ZNRF1: variants seen among roughly 807,000 people sequenced by gnomAD.
ZNRF1 encodes the protein zinc and ring finger 1.
A neutral mutation model predicts 18.4 loss-of-function variants in ZNRF1; 3 were observed. The ratio of observed to expected loss-of-function variants is 0.16; its 90% CI spans 0.07 to 0.42. ZNRF1 has a LOEUF of 0.42. Ranked by LOEUF, ZNRF1 falls within the 10% of genes least tolerant of loss-of-function variation. ZNRF1 has a pLI of 0.99. For missense variants in ZNRF1, 310 were observed against 329.8 expected (o/e 0.94, Z 0.47); for synonymous variants, 157 against 144.2 (o/e 1.09, Z -0.64).
chr16:75,055,097 C>T (rs997691351), intron 1 of ZNRF1, among the ~76,000 whole-genome samples: 5 of 152,120 alleles, frequency 3.3e-5, no homozygotes, highest in African/African-American at 1.2e-4. Context: ...GATGGCTTTC[C>T]TCTCCCAACA....
At chr16:75,037,450 G>A (rs889787043) in intron 1 of ZNRF1, among the ~76,000 whole-genome samples, 1 of 152,106 alleles carries the variant, frequency 6.6e-6, no homozygotes, top group African/African-American at 2.4e-5. Flanking sequence ...CGATTATCAT[G>A]CCTCAGCCTC....
At chr16:75,106,840 T>C in intron 4 of ZNRF1, 1 of 328,752 alleles carries the variant, frequency 3.0e-6, no homozygotes, top group Non-Finnish European at 5.8e-6. Context: ...TCTACATTCC[T>C]AAAGAAAGTT....
intron 1 of ZNRF1, among the ~76,000 whole-genome samples, chr16:75,032,880 G>T (rs540927701): frequency 6.6e-6 from 1 of 152,144 alleles, no homozygotes; most frequent in Non-Finnish European, 1.5e-5. Flanking sequence ...GGGCATGGTG[G>T]TATATGCCTG....
chr16:75,096,640 A>G (rs1409592710), intron 2 of ZNRF1, among the ~76,000 whole-genome samples: 2 of 152,176 alleles, frequency 1.3e-5, no homozygotes, highest in Non-Finnish European at 2.9e-5. Context: ...AAGACTTCCC[A>G]TTTACACACA....
At chr16:75,056,932 T>C (rs2035674996) in intron 1 of ZNRF1, among the ~76,000 whole-genome samples, 1 of 151,520 alleles carries the variant, frequency 6.6e-6, no homozygotes, top group Non-Finnish European at 1.5e-5. Flanking sequence ...CCACTGCGCC[T>C]GGTCAGGAAA....
rs368469502 is a variant in ZNRF1, at chr16:75,032,679, A to G, written c.424+32584A>G. On this transcript the variant is annotated intron_variant, in intron 1 of 4. Coordinates refer to ENST00000335325, the MANE Select transcript of ZNRF1 (RefSeq NM_032268.5). ...TAAGGAATTAGTATATCTAAAATGT[A>G]TAAAAATGTCTTACAACTCAACAAC... is the stretch of plus-strand genomic sequence containing the variant. Among the ~76,000 whole-genome samples the G allele has an allele frequency of 3.3e-5, 5 of 152,342 alleles. No individual in the cohort carries two copies. The South Asian group carries it at 1.0e-3, about 32-fold the overall frequency.
chr16:75,002,421 G>C (rs141509357), intron 1 of ZNRF1: 4 of 152,218 alleles, frequency 2.6e-5, no homozygotes, highest in African/African-American at 9.7e-5. Context: ...GAAGGGTAAC[G>C]ATTTTGGTGC....
At position 75,013,338 on chromosome 16, in the gene ZNRF1, CT is replaced by C. The variant is rs2035024185; in HGVS notation, c.424+13244del. Among the ~76,000 whole-genome samples the C allele has an allele frequency of 3.3e-5, 5 of 150,876 alleles. No homozygotes were observed. The South Asian group carries it at 1.0e-3, about 31-fold the overall frequency. ...CCTGGAGCCCTGACTCTTACTTTTT[CT>C]GTCCATTCAATTTTTTTTTTTTTTC... On this transcript the variant is annotated intron_variant, in intron 1 of 4. Transcript: ENST00000335325.
At chr16:75,104,597 G>T (rs2036291594) in intron 2 of ZNRF1, 187 bp from the exon 3 acceptor site, 1 of 513,842 alleles carries the variant, frequency 1.9e-6, no homozygotes, top group South Asian at 2.5e-5. Context: ...AACATGTGAT[G>T]TCCACGCATT....
chr16:75,078,583 G>A (rs1301525280), intron 1 of ZNRF1, among the ~76,000 whole-genome samples: 1 of 152,110 alleles, frequency 6.6e-6, no homozygotes, highest in Non-Finnish European at 1.5e-5. Flanking sequence ...ACAGGCGTGA[G>A]CCACCACGCC....
chr16:75,043,485 C>G (rs1475612063), intron 1 of ZNRF1, among the ~76,000 whole-genome samples: 1 of 152,056 alleles, frequency 6.6e-6, no homozygotes, highest in Non-Finnish European at 1.5e-5. Context: ...TCTTATCTTC[C>G]TTCTACCTCA....
intron 2 of ZNRF1, among the ~76,000 whole-genome samples, chr16:75,099,642 C>T (rs968167089): frequency 1.3e-5 from 2 of 152,160 alleles, no homozygotes; most frequent in African/African-American, 4.8e-5. Context: ...GAAAGTTTGG[C>T]TTTGTTCTTA....
At chr16:75,040,798 G>C (rs1382466437) in intron 1 of ZNRF1, among the ~76,000 whole-genome samples, 1 of 151,460 alleles carries the variant, frequency 6.6e-6, no homozygotes, top group Admixed American at 6.6e-5. Flanking sequence ...AGTAGAGATG[G>C]GGTTTCATCA....
chr16:75,042,658 A>T (rs2145363796), intron 1 of ZNRF1, among the ~76,000 whole-genome samples: 1 of 152,232 alleles, frequency 6.6e-6, no homozygotes, highest in South Asian at 2.1e-4. Context: ...GAAATTGGGT[A>T]GTGTACAGTC....
chr16:75,061,283 C>T (rs929225431), intron 1 of ZNRF1, among the ~76,000 whole-genome samples: 2 of 152,108 alleles, frequency 1.3e-5, no homozygotes, highest in African/African-American at 2.4e-5. Context: ...CATTAACCAT[C>T]CCCACCTCCC....
intron 1 of ZNRF1, among the ~76,000 whole-genome samples, chr16:75,073,515 A>C (rs1037966693): frequency 1.3e-5 from 2 of 152,052 alleles, no homozygotes; most frequent in African/African-American, 4.8e-5. Flanking sequence ...GTATTGGTTT[A>C]ATTTTTCATT....
intron 1 of ZNRF1, among the ~76,000 whole-genome samples, chr16:75,075,061 G>T (rs1597897047): frequency 1.6e-5 from 2 of 123,244 alleles, no homozygotes; most frequent in Non-Finnish European, 3.2e-5. Context: ...CATGCTGTCT[G>T]CTTTTCCCCC....
At chr16:75,014,603 C>T (rs943512194) in intron 1 of ZNRF1, among the ~76,000 whole-genome samples, 4 of 152,036 alleles carry the variant, frequency 2.6e-5, no homozygotes, top group Admixed American at 6.6e-5. Flanking sequence ...TCATTACATA[C>T]GTGAATGAGT....
At chr16:75,103,845 C>T (rs1463709787) in intron 2 of ZNRF1, among the ~76,000 whole-genome samples, 6 of 152,136 alleles carry the variant, frequency 3.9e-5, no homozygotes, top group Admixed American at 3.3e-4. Context: ...ACTAGCCAGG[C>T]GTGGTGGTGG....
Sources: gnomAD v4.1 joint callset for allele counts (sites outside exome capture counted in the v4.1 genomes callset) on GRCh38, gnomAD v4.1.1 for gene constraint, MANE v1.5 for transcripts, NCBI Gene and HGNC (gene_info 2026-07-23, HGNC 2026-07-21) for gene names.